The following CD226 variants were observed in gnomAD, a reference collection of about 807,000 sequenced individuals.
CD226 encodes CD226 antigen.
CD226 carries 24 observed loss-of-function variants against 34.9 expected under a neutral mutation model. The observed-to-expected ratio is 0.69, with a 90% CI of 0.50 to 0.97. CD226 has a LOEUF of 0.97. Ranked by LOEUF, CD226 falls within the 50% of genes least tolerant of loss-of-function variation. CD226 has a pLI of 0.00. For synonymous variants in CD226, 148 were observed against 147.4 expected (o/e 1.00, Z -0.03); for missense variants, 397 against 412.7 (o/e 0.96, Z 0.33).
intron 2 of CD226, among the ~76,000 whole-genome samples, chr18:69,912,777 G>A (rs1181291895): frequency 6.6e-6 from 1 of 152,172 alleles, no homozygotes; most frequent in African/African-American, 2.4e-5. Flanking sequence ...ACAATTCAGT[G>A]AAGTATGGAT....
intron 2 of CD226, among the ~76,000 whole-genome samples, chr18:69,898,540 G>C (rs1199538518): frequency 6.6e-6 from 1 of 152,148 alleles, no homozygotes; most frequent in Non-Finnish European, 1.5e-5. Context: ...CAAAGTGCAG[G>C]GAGGTTACAG....
chr18:69,958,244 T>C (rs1180869115), upstream of CD226, among the ~76,000 whole-genome samples: 1 of 152,206 alleles, frequency 6.6e-6, no homozygotes, highest in African/African-American at 2.4e-5. Flanking sequence ...AAGTCTCTTA[T>C]CCCTGCTCTA....
intron 3 of CD226, among the ~76,000 whole-genome samples, chr18:69,888,929 T>C (rs929920005): frequency 3.3e-5 from 5 of 152,150 alleles, no homozygotes; most frequent in Admixed American, 6.5e-5. Context: ...ATAGTATGTA[T>C]AAAAAATGAC....
chr18:69,888,577 A>T (rs1232339285), intron 3 of CD226, among the ~76,000 whole-genome samples: 7 of 152,002 alleles, frequency 4.6e-5, no homozygotes, highest in Non-Finnish European at 8.8e-5. Flanking sequence ...GTAGGAAGAA[A>T]ATCAGTACAT....
At chr18:69,883,019 GT>G (rs767502855) in intron 3 of CD226, among the ~76,000 whole-genome samples, 3 of 152,102 alleles carry the variant, frequency 2.0e-5, no homozygotes, top group Non-Finnish European at 4.4e-5. Context: ...AGCCAAGACT[GT>G]TTCTGTTTAG....
chr18:69,921,191 C>T (rs996261042), intron 2 of CD226, among the ~76,000 whole-genome samples: 1 of 152,122 alleles, frequency 6.6e-6, no homozygotes, highest in Non-Finnish European at 1.5e-5. Flanking sequence ...CTCTAAGCCT[C>T]CTTCTCTCTG....
At chr18:69,877,285 A>AT (rs1983934820) in intron 3 of CD226, among the ~76,000 whole-genome samples, 1 of 152,190 alleles carries the variant, frequency 6.6e-6, no homozygotes, top group Admixed American at 6.5e-5. Context: ...TGTCAGTTTA[A>AT]TATCAAGGAT....
chr18:69,871,640 T>C (rs1315577425), intron 4 of CD226, among the ~76,000 whole-genome samples: 2 of 152,178 alleles, frequency 1.3e-5, no homozygotes, highest in Admixed American at 1.3e-4. Flanking sequence ...CCTTGAATGA[T>C]ACATAGGAAT....
At chr18:69,900,546 C>A (rs2055163521) in intron 2 of CD226, among the ~76,000 whole-genome samples, 1 of 151,648 alleles carries the variant, frequency 6.6e-6, no homozygotes, top group Non-Finnish European at 1.5e-5. Context: ...TCCTGGCTAA[C>A]AAGGTGAAAC....
At chr18:69,947,146 C>T in intron 1 of CD226, 77 bp from the exon 2 acceptor site, 1 of 1,238,362 alleles carries the variant, frequency 8.1e-7, no homozygotes, top group African/African-American at 1.5e-5. Flanking sequence ...CTTTTGAAGA[C>T]CTAGTGCATT....
intron 2 of CD226, among the ~76,000 whole-genome samples, chr18:69,943,245 T>C (rs2055748147): frequency 6.6e-6 from 1 of 152,170 alleles, no homozygotes; most frequent in Non-Finnish European, 1.5e-5. Context: ...GGGTCACTCA[T>C]TTTGGGGGTA....
At chr18:69,921,077 TGGGA>T (rs1046040716) in intron 2 of CD226, among the ~76,000 whole-genome samples, 2 of 152,178 alleles carry the variant, frequency 1.3e-5, no homozygotes, top group African/African-American at 4.8e-5. Flanking sequence ...ATGTTTCCTC[TGGGA>T]GGGCAATTCT....
chr18:69,868,553 A>G (rs1309222945), intron 4 of CD226, among the ~76,000 whole-genome samples: 2 of 152,126 alleles, frequency 1.3e-5, no homozygotes, highest in Non-Finnish European at 2.9e-5. Context: ...TGTTTATTCT[A>G]TGTGTAAATT....
chr18:69,900,867 C>T (rs1322834577), intron 2 of CD226, among the ~76,000 whole-genome samples: 1 of 151,964 alleles, frequency 6.6e-6, no homozygotes, highest in Non-Finnish European at 1.5e-5. Context: ...GGGAGATTTA[C>T]ATCTATAATA....
At chr18:69,958,188 G>A (rs983678420), upstream of CD226, among the ~76,000 whole-genome samples, 5 of 152,070 alleles carry the variant, frequency 3.3e-5, no homozygotes, top group Admixed American at 6.5e-5. Flanking sequence ...CTATTCACTC[G>A]CTGCATTTTT....
At chr18:69,879,815 C>T (rs187733006) in intron 3 of CD226, among the ~76,000 whole-genome samples, 59 of 152,346 alleles carry the variant, frequency 3.9e-4, no homozygotes, top group Non-Finnish European at 5.3e-4. Context: ...CCAGTCCCTC[C>T]GTTCAGGTTC....
chr18:69,883,473 T>C (rs575488610), intron 3 of CD226, among the ~76,000 whole-genome samples: 1 of 152,252 alleles, frequency 6.6e-6, no homozygotes, highest in South Asian at 2.1e-4. Flanking sequence ...TCCCACCACA[T>C]AGAGCAAAGC....
intron 4 of CD226, among the ~76,000 whole-genome samples, chr18:69,869,524 G>C (rs1413270712): frequency 6.6e-6 from 1 of 152,102 alleles, no homozygotes; most frequent in African/African-American, 2.4e-5. Context: ...GTGGGAGAAG[G>C]GAGAGGATCA....
At chr18:69,878,614 G>A (rs546086377) in intron 3 of CD226, among the ~76,000 whole-genome samples, 32 of 152,262 alleles carry the variant, frequency 2.1e-4, no homozygotes, top group Admixed American at 1.2e-3. Context: ...GGGAAAACCC[G>A]CAGGTCCTGA....
Sources: gnomAD v4.1 joint callset for allele counts (sites outside exome capture counted in the v4.1 genomes callset) on GRCh38, gnomAD v4.1.1 for gene constraint, MANE v1.5 for transcripts, NCBI Gene and HGNC (gene_info 2026-07-23, HGNC 2026-07-21) for gene names.